Variants in HSD11B1 observed in about 807,000 individuals in gnomAD.
The protein encoded by HSD11B1 is hydroxysteroid 11-beta dehydrogenase 1, also known as 11-beta-hydroxysteroid dehydrogenase 1.
Under a neutral mutation model 22.1 loss-of-function variants are expected in HSD11B1, and 15 were observed. That is an observed-to-expected ratio of 0.68 (90% CI 0.45 to 1.04). The LOEUF is 1.04. HSD11B1 is among the 50% of genes least tolerant of loss of function. The probability of loss-of-function intolerance (pLI) is 0.00; values close to 1 mark genes in which losing one functional copy is unlikely to be tolerated. For missense variants in HSD11B1, 281 were observed against 357.6 expected (o/e 0.79, Z 1.73); for synonymous variants, 122 against 125.2 (o/e 0.97, Z 0.17).
At chr1:209,724,587 G>A (rs1237417318) in intron 4 of HSD11B1, among the ~76,000 whole-genome samples, 2 of 152,118 alleles carry the variant, frequency 1.3e-5, no homozygotes, top group Non-Finnish European at 2.9e-5. Flanking sequence ...CCTGTTACAT[G>A]TTGTTTACTC....
At position 209,704,909 on chromosome 1, in the gene HSD11B1, T is replaced by C; in HGVS notation, c.-34T>C. 1 of 1,514,292 alleles carries C rather than the reference T, an allele frequency of 6.6e-7. No individual in the cohort carries two copies. The highest frequency in any genetic ancestry group is 9.2e-7 in the Non-Finnish European group (1 of 1,089,432). 93.8% of individuals were successfully genotyped at this position (1,514,292 alleles called of 1,614,324 possible). On this transcript the variant is annotated 5_prime_UTR_variant, in exon 1 of 6. Coordinates refer to ENST00000367027, the MANE Select transcript of HSD11B1 (RefSeq NM_005525.4). ...AAGCTCTGTAGGTTCTCTCTGTGTG[T>C]CCTACAGGAGTCTTCAGGCCAGCTC... is the stretch of plus-strand genomic sequence containing the variant.
intron 4 of HSD11B1, among the ~76,000 whole-genome samples, chr1:209,709,965 CACACACACAA>C (rs2076884927): frequency 7.2e-6 from 1 of 139,312 alleles, no homozygotes. Flanking sequence ...CACACACACA[CACACACACAA>C]AAGACTCATT....
intron 4 of HSD11B1, among the ~76,000 whole-genome samples, chr1:209,707,573 C>T (rs973060932): frequency 2.6e-5 from 4 of 151,826 alleles, no homozygotes; most frequent in Admixed American, 1.3e-4. Context: ...AAAGGAGACA[C>T]TGTTACAAAC....
intron 4 of HSD11B1, among the ~76,000 whole-genome samples, chr1:209,719,722 G>A (rs558106181): frequency 2.0e-5 from 3 of 152,248 alleles, no homozygotes; most frequent in Non-Finnish European, 4.4e-5. Flanking sequence ...CCCTGCAAAG[G>A]ACATGAACTC....
chr1:209,720,837 A>G (rs1258074131), intron 4 of HSD11B1, among the ~76,000 whole-genome samples: 1 of 152,152 alleles, frequency 6.6e-6, no homozygotes, highest in South Asian at 2.1e-4. Context: ...CAAAAAAGAT[A>G]TATCTACATC....
At chr1:209,699,512 C>T (rs1173791259) in intron 1 of HSD11B1, among the ~76,000 whole-genome samples, 2 of 152,008 alleles carry the variant, frequency 1.3e-5, no homozygotes, top group Non-Finnish European at 2.9e-5. Flanking sequence ...CAATTACCTC[C>T]CCCAGGTACC....
intron 4 of HSD11B1, among the ~76,000 whole-genome samples, chr1:209,716,175 T>C (rs571702522): frequency 1.3e-5 from 2 of 152,080 alleles, no homozygotes; most frequent in South Asian, 4.1e-4. Flanking sequence ...GATTTTATAA[T>C]CAGAAAAGCC....
At chr1:209,703,660 G>C (rs2076838079), upstream of HSD11B1, among the ~76,000 whole-genome samples, 1 of 152,010 alleles carries the variant, frequency 6.6e-6, no homozygotes, top group Non-Finnish European at 1.5e-5. Context: ...ACTGCACTTG[G>C]AATCATAACT....
intron 1 of HSD11B1, among the ~76,000 whole-genome samples, chr1:209,695,442 T>C (rs2102357634): frequency 6.6e-6 from 1 of 152,286 alleles, no homozygotes; most frequent in South Asian, 2.1e-4. Flanking sequence ...GTGAAGCCAT[T>C]GATTGAAATA....
chr1:209,726,433 T>C (rs1371455519), intron 4 of HSD11B1, among the ~76,000 whole-genome samples: 5 of 151,720 alleles, frequency 3.3e-5, no homozygotes, highest in Non-Finnish European at 5.9e-5. Context: ...TAAGACGTTG[T>C]CTCTACAAAA....
At chr1:209,689,015 C>T (rs2076743869) in intron 1 of HSD11B1, among the ~76,000 whole-genome samples, 1 of 152,142 alleles carries the variant, frequency 6.6e-6, no homozygotes, top group Non-Finnish European at 1.5e-5. Context: ...CCCTTGGCCT[C>T]TACAGCTACT....
chr1:209,701,275 T>C (rs959371236), upstream of HSD11B1, among the ~76,000 whole-genome samples: 1 of 150,960 alleles, frequency 6.6e-6, no homozygotes, highest in Non-Finnish European at 1.5e-5. Flanking sequence ...TGGCGGGAGG[T>C]GAAAGGCACT....
At chr1:209,699,422 GAGAA>G (rs1326663363) in intron 1 of HSD11B1, among the ~76,000 whole-genome samples, 1 of 152,166 alleles carries the variant, frequency 6.6e-6, no homozygotes, top group Non-Finnish European at 1.5e-5. Context: ...AGAGTAAAAT[GAGAA>G]AGAAGCAAAA....
chr1:209,704,934 C>T lies in HSD11B1; in HGVS notation c.-9C>T, dbSNP rs373339785. On this transcript the variant is annotated 5_prime_UTR_variant, in exon 1 of 6. Transcript: ENST00000367027. ...TCCTACAGGAGTCTTCAGGCCAGCT[C>T]CCTGTCGGATGGCTTTTATGAAAAA... The T allele has an allele frequency of 1.5e-5, 24 of 1,611,136 alleles. No individual in the cohort carries two copies. Among genetic ancestry groups the T allele is most frequent in the Non-Finnish European group, 2.0e-5 (24 of 1,177,532 alleles).
At position 209,734,754 on chromosome 1, in the gene HSD11B1, G is replaced by T; in HGVS notation, c.*233G>T. ...AGTTGTAAAATTGTTAGTAAACATA[G>T]GTATAATTACCAGATAGTTATATTA... On this transcript the variant is annotated 3_prime_UTR_variant, in exon 6 of 6. Coordinates refer to ENST00000367027, the MANE Select transcript of HSD11B1 (RefSeq NM_005525.4). 4.9e-6 allele frequency: 2 copies of T among 411,818 alleles called. No individual in the cohort carries two copies. The highest frequency in any genetic ancestry group is 4.4e-6 in the Non-Finnish European group (1 of 225,080). 25.5% of individuals were successfully genotyped at this position (411,818 alleles called of 1,614,324 possible).
chr1:209,708,268 C>T (rs1420413082), intron 4 of HSD11B1, among the ~76,000 whole-genome samples: 1 of 152,194 alleles, frequency 6.6e-6, no homozygotes, highest in Non-Finnish European at 1.5e-5. Context: ...GATCAAAATC[C>T]GCCATCTAAA....
intron 1 of HSD11B1, among the ~76,000 whole-genome samples, chr1:209,692,477 G>A (rs1187487089): frequency 6.6e-6 from 1 of 152,050 alleles, no homozygotes; most frequent in Non-Finnish European, 1.5e-5. Context: ...CAAGGTTGGG[G>A]TAAGGAGGGT....
chr1:209,725,163 T>C (rs776378169), intron 4 of HSD11B1, among the ~76,000 whole-genome samples: 11 of 152,220 alleles, frequency 7.2e-5, no homozygotes, highest in Non-Finnish European at 1.6e-4. Flanking sequence ...GGAGATGCGA[T>C]GTAATACCTA....
At chr1:209,692,075 T>TAA (rs79594859) in intron 1 of HSD11B1, among the ~76,000 whole-genome samples, 12 of 137,204 alleles carry the variant, frequency 8.7e-5, no homozygotes, top group South Asian at 4.7e-4. Context: ...CTAGTTTATT[T>TAA]AAAAAAAAAA....
Sources: gnomAD v4.1 joint callset for allele counts (sites outside exome capture counted in the v4.1 genomes callset) on GRCh38, gnomAD v4.1.1 for gene constraint, MANE v1.5 for transcripts, NCBI Gene and HGNC (gene_info 2026-07-23, HGNC 2026-07-21) for gene names.